The following GLG1 variants were observed in gnomAD, a reference collection of about 807,000 sequenced individuals.
GLG1 encodes Golgi apparatus protein 1.
A neutral mutation model predicts 160.5 loss-of-function variants in GLG1; 38 were observed. The observed-to-expected ratio is 0.24, with a 90% CI of 0.18 to 0.31. The LOEUF is 0.31. GLG1 is among the 10% of genes least tolerant of loss of function. The pLI is 1.00. For synonymous variants in GLG1, 644 were observed against 543.4 expected, an observed-to-expected ratio of 1.19 and a Z score of -2.57; for missense variants, 1,373 against 1,505.2, an observed-to-expected ratio of 0.91 and a Z score of 1.45.
intron 2 of GLG1, among the ~76,000 whole-genome samples, chr16:74,520,938 C>T (rs2017144200): frequency 6.6e-6 from 1 of 152,092 alleles, no homozygotes; most frequent in African/African-American, 2.4e-5. Flanking sequence ...AAGGAGTTTA[C>T]ATTCTATGAA....
At chr16:74,468,881 C>T in intron 17 of GLG1, 65 bp downstream of exon 17, 3 of 1,000,484 alleles carry the variant, frequency 3.0e-6, no homozygotes, top group Non-Finnish European at 4.8e-6. Context: ...TTGCCCTAGC[C>T]TCTCCCCAGC....
At chr16:74,479,073 A>AAAAAAAAAAAAAAAAAAAAG (rs1567469672) in intron 11 of GLG1, among the ~76,000 whole-genome samples, 1 of 134,388 alleles carries the variant, frequency 7.4e-6, no homozygotes, top group African/African-American at 2.8e-5. Flanking sequence ...AAAAAAAAAA[A>AAAAAAAAAAAAAAAAAAAAG]AAAAAGCCAG....
intron 3 of GLG1, among the ~76,000 whole-genome samples, chr16:74,506,231 T>C (rs2016597521): frequency 6.6e-6 from 1 of 151,704 alleles, no homozygotes; most frequent in Admixed American, 6.6e-5. Context: ...ACCCACTTAA[T>C]GAAACAGAGA....
chr16:74,464,457 T>TA (rs1190914409), intron 19 of GLG1, among the ~76,000 whole-genome samples: 5 of 152,238 alleles, frequency 3.3e-5, no homozygotes, highest in Non-Finnish European at 5.9e-5. Flanking sequence ...GGACTAGTAA[T>TA]AAACTCCCTA....
At chr16:74,587,358 C>G (rs1035763242) in intron 1 of GLG1, among the ~76,000 whole-genome samples, 1 of 152,094 alleles carries the variant, frequency 6.6e-6, no homozygotes, top group Non-Finnish European at 1.5e-5. Flanking sequence ...TCTAAAGCAG[C>G]TAGAATTTGA....
chr16:74,468,710 T>TA (rs1199806280), intron 17 of GLG1: 5 of 523,800 alleles, frequency 9.5e-6, no homozygotes, highest in African/African-American at 9.5e-5. Context: ...CATGCTTAGT[T>TA]AGAGCCTGTC....
At position 74,567,084 on chromosome 16, in the gene GLG1, G is replaced by T. The variant is rs147904609; in HGVS notation, c.439-34931C>A. 1.1e-4 allele frequency among the ~76,000 whole-genome samples: 17 copies of T among 152,146 alleles called. No individual in the cohort carries two copies. The East Asian group carries it at 3.1e-3, about 28-fold the overall frequency. ...AAGAAAACCTTTCAGGCCGCTTAAT[G>T]GGTCTCCTAAAATCTAGCATTTTTG... On this transcript the variant is annotated intron_variant, in intron 1 of 25. Transcript: ENST00000422840.
intron 1 of GLG1, among the ~76,000 whole-genome samples, chr16:74,590,569 C>T (rs537963707): frequency 1.3e-5 from 2 of 148,890 alleles, no homozygotes; most frequent in African/African-American, 4.9e-5. Flanking sequence ...TCCAGTGAGC[C>T]GAGATTACAC....
rs981186098 is a variant in GLG1 at position 74,456,449 on chromosome 16, C to T, written c.3372+200G>A. The stretch of plus-strand genomic sequence containing the variant: ...CGCTGAGATTACAGGCGCGAGCCAC[C>T]GCGCCCGGCCCTGACCACGTTTTCA... On this transcript the variant is annotated intron_variant, in intron 25 of 25. Coordinates refer to ENST00000422840, the MANE Select transcript of GLG1 (RefSeq NM_001145667.2). 134 of 534,420 alleles carry T rather than the reference C, an allele frequency of 2.5e-4. 2 individuals carry two copies. Among genetic ancestry groups the T allele is most frequent in the African/African-American group, 1.4e-3 (69 of 50,032 alleles). The allele number at this position is 534,420 out of a possible 1,614,324, so 33.1% of individuals were successfully genotyped here.
chr16:74,542,448 A>AC (rs765569726), intron 1 of GLG1, among the ~76,000 whole-genome samples: 26 of 152,054 alleles, frequency 1.7e-4, no homozygotes, highest in Non-Finnish European at 3.5e-4. Context: ...CGGGCGGATC[A>AC]CCTGAGGTCA....
chr16:74,538,758 C>T (rs1411959925), intron 1 of GLG1, among the ~76,000 whole-genome samples: 1 of 140,300 alleles, frequency 7.1e-6, no homozygotes, highest in Non-Finnish European at 1.5e-5. Flanking sequence ...CTTAAAAAGA[C>T]ATGAGATACA....
intron 22 of GLG1, among the ~76,000 whole-genome samples, chr16:74,460,493 T>C (rs1164209739): frequency 6.6e-6 from 1 of 152,202 alleles, no homozygotes; most frequent in Non-Finnish European, 1.5e-5. Flanking sequence ...AGTCCGGTGA[T>C]TCCAATCAGC....
chr16:74,509,118 A>G (rs1217260275), intron 2 of GLG1, among the ~76,000 whole-genome samples, 193 bp from the exon 3 acceptor site: 3 of 151,708 alleles, frequency 2.0e-5, no homozygotes, highest in Non-Finnish European at 2.9e-5. Context: ...GCCAAATAAA[A>G]GGATGACTAT....
chr16:74,479,332 A>C (rs1213437599), intron 11 of GLG1, among the ~76,000 whole-genome samples: 1 of 150,650 alleles, frequency 6.6e-6, no homozygotes, highest in Non-Finnish European at 1.5e-5. Flanking sequence ...ACAGACTCCA[A>C]CTCTTTCTTA....
chr16:74,466,044 A>C (rs996844218), intron 18 of GLG1, among the ~76,000 whole-genome samples: 9 of 152,188 alleles, frequency 5.9e-5, no homozygotes, highest in Admixed American at 1.3e-4. Context: ...GCTCCAGCCT[A>C]ATGGAAAAGA....
Position 74,491,036 on chromosome 16 carries a change from C to T in GLG1, c.1414G>A (p.Glu472Lys). 6.2e-7 allele frequency: 1 copy of T among 1,614,142 alleles called. No individual in the cohort carries two copies. The highest frequency in any genetic ancestry group is 1.1e-5 in the South Asian group (1 of 91,078). The change falls in exon 8 of 26, where the codon GAG becomes AAG. Residue 472 changes from glutamate (E) to lysine (K), a missense_variant. This residue lies in a region of GLG1 where 386 missense variants were observed against 388.5 expected (regional missense o/e 0.99). Transcript: ENST00000422840. ...CAGTTCATTCCAAGGTTCCCCTTCT[C>T]CCCTCGAACTACTTTCATCAGACAG... is the stretch of plus-strand genomic sequence containing the variant. The part of the protein sequence containing the change: ...LHCLMKVVRG[E>K]KGNLGMNCQQ...
intron 25 of GLG1, among the ~76,000 whole-genome samples, chr16:74,454,602 G>T (rs1431105065): frequency 7.0e-6 from 1 of 142,642 alleles, no homozygotes; most frequent in East Asian, 2.2e-4. Flanking sequence ...GGAGGCGGAG[G>T]TTGCAGTGTG....
Position 74,606,735 on chromosome 16 carries a change from C to T in GLG1, c.360G>A (p.Glu120=). 6.2e-7 allele frequency: 1 copy of T among 1,613,172 alleles called. No individual in the cohort carries two copies. The highest frequency in any genetic ancestry group is 2.2e-5 in the East Asian group (1 of 44,844). ...WKLAEEESCR[E]DVTRVCPKHT... Reference sequence around the variant, plus strand: ...GCTTAGGGCACACGCGGGTCACGTCCTCCCTGCAGGACTCTTCCTCCGCCA... The same window carrying T: ...GCTTAGGGCACACGCGGGTCACGTCTTCCCTGCAGGACTCTTCCTCCGCCA... Residue 120 remains glutamate, a synonymous_variant, in exon 1 of 26, where the codon GAG becomes GAA. Coordinates refer to ENST00000422840, the MANE Select transcript of GLG1 (RefSeq NM_001145667.2).
intron 1 of GLG1, among the ~76,000 whole-genome samples, chr16:74,544,451 T>A (rs1434792213): frequency 6.6e-6 from 1 of 152,154 alleles, no homozygotes; most frequent in East Asian, 1.9e-4. Flanking sequence ...CTCCTGCACA[T>A]GCAGGCGTGG....
Sources: allele counts gnomAD v4.1 joint callset (sites outside exome capture counted in the v4.1 genomes callset), GRCh38; gene constraint gnomAD v4.1.1; regional missense constraint gnomAD v4.1.1; transcripts MANE v1.5; gene names NCBI Gene and HGNC (gene_info 2026-07-23, HGNC 2026-07-21).